The following KCNIP4 variants were observed in gnomAD, a reference collection of about 807,000 sequenced individuals.
The protein encoded by KCNIP4 is Kv channel-interacting protein 4.
Under a neutral mutation model 34.0 loss-of-function variants are expected in KCNIP4, and 12 were observed. The ratio of observed to expected loss-of-function variants is 0.35; its 90% CI spans 0.23 to 0.57. The LOEUF is 0.57. Among genes scored for constraint, KCNIP4 ranks in the 20% least tolerant of loss-of-function variants. The probability of loss-of-function intolerance (pLI) is 0.83; values close to 1 mark genes in which losing one functional copy is unlikely to be tolerated. For synonymous variants in KCNIP4, 124 were observed against 102.2 expected, an observed-to-expected ratio of 1.21 and a Z score of -1.29; for missense variants, 238 against 311.7, an observed-to-expected ratio of 0.76 and a Z score of 1.78.
chr4:21,650,506 C>A (rs927904750), intron 1 of KCNIP4, among the ~76,000 whole-genome samples: 15 of 152,126 alleles, frequency 9.9e-5, no homozygotes, highest in Admixed American at 3.3e-4. Context: ...GGGCACAGCC[C>A]ACTCTAGTAC....
chr4:21,595,392 T>G (rs1171525349), intron 1 of KCNIP4, among the ~76,000 whole-genome samples: 1 of 152,152 alleles, frequency 6.6e-6, no homozygotes, highest in East Asian at 1.9e-4. Flanking sequence ...AGTCTATCAT[T>G]GATGGGCATT....
chr4:21,371,548 G>T (rs1422401607), intron 1 of KCNIP4, among the ~76,000 whole-genome samples: 1 of 147,006 alleles, frequency 6.8e-6, no homozygotes, highest in Admixed American at 6.6e-5. Context: ...ATATAATAAA[G>T]ATAATAATAG....
intron 1 of KCNIP4, among the ~76,000 whole-genome samples, chr4:21,031,612 G>A (rs1458035896): frequency 2.0e-5 from 3 of 152,142 alleles, no homozygotes; most frequent in Non-Finnish European, 4.4e-5. Flanking sequence ...CACATGCAAA[G>A]AAGGCTTCTC....
intron 1 of KCNIP4, among the ~76,000 whole-genome samples, chr4:21,195,471 G>A (rs1755990355): frequency 6.6e-6 from 1 of 152,152 alleles, no homozygotes; most frequent in Non-Finnish European, 1.5e-5. Context: ...AAATGTCTCA[G>A]CACTGATGTT....
chr4:20,915,692 G>C (rs1030546945), intron 1 of KCNIP4, among the ~76,000 whole-genome samples: 1 of 151,844 alleles, frequency 6.6e-6, no homozygotes, highest in Non-Finnish European at 1.5e-5. Flanking sequence ...ATATATATAG[G>C]TATATATACA....
chr4:21,319,915 T>C lies in KCNIP4; in HGVS notation c.62-437206A>G, dbSNP rs74825287. Among the ~76,000 whole-genome samples, 625 of 152,308 alleles carry C rather than the reference T, an allele frequency of 4.1e-3. 16 individuals are homozygous for C. In the East Asian group the frequency reaches 0.073, roughly 18 times the overall value. On this transcript the variant is annotated intron_variant, in intron 1 of 8. Coordinates refer to ENST00000382152, the MANE Select transcript of KCNIP4 (RefSeq NM_025221.6). ...AAAAGAAAAAAGAATAGGATAGAAC[T>C]GGTGAGTGTTTTGCAAATAGAAAAG...
intron 1 of KCNIP4, among the ~76,000 whole-genome samples, chr4:21,099,321 A>G (rs1006018621): frequency 1.3e-5 from 2 of 152,224 alleles, no homozygotes; most frequent in Non-Finnish European, 2.9e-5. Context: ...CTTTGCACGG[A>G]TGGAGCTGGA....
chr4:21,908,688 C>G (rs535981175), intron 1 of KCNIP4, among the ~76,000 whole-genome samples: 65 of 152,212 alleles, frequency 4.3e-4, no homozygotes, highest in African/African-American at 1.3e-3. Context: ...CATTCAGTTC[C>G]TTATAAGGTT....
intron 1 of KCNIP4, among the ~76,000 whole-genome samples, chr4:21,010,099 C>T (rs1228754179): frequency 6.6e-6 from 1 of 152,138 alleles, no homozygotes; most frequent in Admixed American, 6.5e-5. Flanking sequence ...CCCTCATACT[C>T]GAGGTTAGGA....
At chr4:21,249,641 T>G (rs780310503) in intron 1 of KCNIP4, among the ~76,000 whole-genome samples, 4 of 152,100 alleles carry the variant, frequency 2.6e-5, no homozygotes, top group Non-Finnish European at 5.9e-5. Context: ...CCTTTACTGA[T>G]TCTCTGCTCA....
intron 1 of KCNIP4, chr4:21,850,495 C>T (rs558956215): frequency 9.2e-5 from 14 of 152,050 alleles, no homozygotes; most frequent in Non-Finnish European, 1.6e-4. Context: ...AGCCCCTCAC[C>T]GTGTGATGCC....
chr4:21,191,404 G>C (rs1179209220), intron 1 of KCNIP4, among the ~76,000 whole-genome samples: 1 of 152,198 alleles, frequency 6.6e-6, no homozygotes, highest in Non-Finnish European at 1.5e-5. Context: ...ATAGTTTAAT[G>C]ACGGAAGATA....
chr4:21,892,097 T>TCA (rs1727129667), intron 1 of KCNIP4, among the ~76,000 whole-genome samples: 1 of 152,100 alleles, frequency 6.6e-6, no homozygotes, highest in Admixed American at 6.6e-5. Context: ...TCCAGACTGT[T>TCA]GAGAGAATGC....
intron 1 of KCNIP4, among the ~76,000 whole-genome samples, chr4:21,452,383 G>C (rs1418982770): frequency 6.6e-6 from 1 of 150,910 alleles, no homozygotes; most frequent in Non-Finnish European, 1.5e-5. Flanking sequence ...TTCTGGAAAG[G>C]TTTGAGTCTT....
chr4:20,968,040 G>T (rs971472328), intron 1 of KCNIP4, among the ~76,000 whole-genome samples: 1 of 152,032 alleles, frequency 6.6e-6, no homozygotes, highest in Non-Finnish European at 1.5e-5. Flanking sequence ...ATCTGACAAA[G>T]GGCTAATATC....
chr4:21,014,819 T>C (rs897346053), intron 1 of KCNIP4, among the ~76,000 whole-genome samples: 1 of 152,188 alleles, frequency 6.6e-6, no homozygotes, highest in Admixed American at 6.5e-5. Flanking sequence ...GCATTGTTCA[T>C]AGTAGCATTA....
At chr4:21,109,519 C>G (rs4441752) in intron 1 of KCNIP4, among the ~76,000 whole-genome samples, 44,150 of 151,950 alleles carry the variant, frequency 0.29, 7,066 homozygotes, top group African/African-American at 0.44. Context: ...CTTTCTTTGA[C>G]TAGGAAAGGG....
chr4:21,634,257 A>G (rs1422196437), intron 1 of KCNIP4, among the ~76,000 whole-genome samples: 2 of 150,132 alleles, frequency 1.3e-5, no homozygotes, highest in Non-Finnish European at 3.0e-5. Flanking sequence ...ACACATACAT[A>G]CATACTTTTA....
chr4:20,753,494 C>T (rs1163968881), intron 4 of KCNIP4, among the ~76,000 whole-genome samples: 1 of 152,174 alleles, frequency 6.6e-6, no homozygotes. Flanking sequence ...CCCTAGAGTT[C>T]GTTCTTCATA....
Sources: allele counts gnomAD v4.1 joint callset (sites outside exome capture counted in the v4.1 genomes callset), GRCh38; gene constraint gnomAD v4.1.1; transcripts MANE v1.5; gene names NCBI Gene and HGNC (gene_info 2026-07-23, HGNC 2026-07-21).